Variants in BMPR2 observed in about 807,000 individuals in gnomAD.
BMPR2 encodes the protein bone morphogenetic protein receptor type 2.
In BMPR2, 29 loss-of-function variants were observed where a neutral mutation model predicts 100.8. The ratio of observed to expected loss-of-function variants is 0.29; its 90% CI spans 0.21 to 0.39. BMPR2 has a LOEUF of 0.39. BMPR2 is among the 10% of genes least tolerant of loss of function. BMPR2 has a pLI of 1.00. For synonymous variants in BMPR2, 382 were observed against 442.3 expected, an observed-to-expected ratio of 0.86 and a Z score of 1.71; for missense variants, 1,011 against 1,274.5, an observed-to-expected ratio of 0.79 and a Z score of 3.15.
intron 1 of BMPR2, among the ~76,000 whole-genome samples, chr2:202,432,007 C>T (rs191401765): frequency 1.2e-4 from 18 of 150,262 alleles, no homozygotes; most frequent in Admixed American, 1.2e-3. Flanking sequence ...AATATAGGTA[C>T]TTATATATTA....
chr2:202,419,898 G>A (rs187632385), intron 1 of BMPR2, among the ~76,000 whole-genome samples: 194 of 152,148 alleles, frequency 1.3e-3, no homozygotes, highest in African/African-American at 4.5e-3. Context: ...CCTGTAATAC[G>A]CGCACTTTGG....
chr2:202,427,373 A>G (rs1691408732), intron 1 of BMPR2, among the ~76,000 whole-genome samples: 1 of 151,770 alleles, frequency 6.6e-6, no homozygotes, highest in Admixed American at 6.6e-5. Context: ...AAAAAAAAAA[A>G]AAAAAAAGGG....
At position 202,560,439 on chromosome 2, in the gene BMPR2, G is replaced by A. The variant is rs1160490335; in HGVS notation, c.*493G>A. ...TATCTTGTTGGACATCTTTTCTCTT[G>A]TGTTTTGTTTGAATGTGCAATAGTT... On this transcript the variant is annotated 3_prime_UTR_variant, in exon 13 of 13. Coordinates refer to ENST00000374580, the MANE Select transcript of BMPR2 (RefSeq NM_001204.7). The A allele has an allele frequency of 5.9e-6, 1 of 169,008 alleles. No individual in the cohort carries two copies. Among genetic ancestry groups the A allele is most frequent in the Non-Finnish European group, 1.3e-5 (1 of 77,232 alleles). 10.5% of individuals were successfully genotyped at this position (169,008 alleles called of 1,614,324 possible). A position where few individuals can be genotyped will look rare whatever the true frequency, so the allele number is the denominator to read the frequency against.
chr2:202,555,618 A>G lies in BMPR2; in HGVS notation c.1953A>G (p.Pro651=). 1.9e-6 allele frequency: 3 copies of G among 1,614,170 alleles called. No homozygotes were observed. The highest frequency in any genetic ancestry group is 2.5e-6 in the Non-Finnish European group (3 of 1,180,040). Reference sequence around the variant, plus strand: ...CAAATGTTGCACAGTCAATTGGGCCAACCCCTGTCTGCTTACAGCTGACAG... The same window carrying G: ...CAAATGTTGCACAGTCAATTGGGCCGACCCCTGTCTGCTTACAGCTGACAG... ...HTTNVAQSIG[P]TPVCLQLTEE... is the part of the protein sequence containing the mutation. Residue 651 remains proline (P), a synonymous_variant, in exon 12 of 13, where the codon CCA becomes CCG. Transcript: ENST00000374580.
At chr2:202,538,735 A>G (rs563510486) in intron 9 of BMPR2, among the ~76,000 whole-genome samples, 1 of 150,008 alleles carries the variant, frequency 6.7e-6, no homozygotes, top group Non-Finnish European at 1.5e-5. Flanking sequence ...CAGAGGTTGC[A>G]GTGAGCAGAG....
intron 1 of BMPR2, among the ~76,000 whole-genome samples, chr2:202,415,722 C>T (rs541277078): frequency 6.6e-6 from 1 of 152,308 alleles, no homozygotes; most frequent in African/African-American, 2.4e-5. Flanking sequence ...GCATGACTTA[C>T]TGAATATTTT....
intron 1 of BMPR2, among the ~76,000 whole-genome samples, chr2:202,380,934 G>GCCCTGGCCCTGT (rs1690272597): frequency 6.8e-6 from 1 of 147,890 alleles, no homozygotes; most frequent in Non-Finnish European, 1.5e-5. Context: ...CCTGGCCCTG[G>GCCCTGGCCCTGT]CCCTGGCCCT....
Position 202,467,646 on chromosome 2 carries a change from C to G in BMPR2, c.375C>G (p.Val125=). 6.2e-7 allele frequency: 1 copy of G among 1,612,652 alleles called. No homozygotes were observed. Among genetic ancestry groups the G allele is most frequent in the Non-Finnish European group, 8.5e-7 (1 of 1,178,660 alleles). ...FCCCSTDLCN[V]NFTENFPPPD... ...GTTGTAGCACAGATTTATGTAATGT[C>G]AACTTTACTGAGAATTTTCCACCTC... The change falls in exon 3 of 13, where the codon GTC becomes GTG. Residue 125 remains valine (V), a synonymous_variant. Transcript: ENST00000374580.
intron 1 of BMPR2, among the ~76,000 whole-genome samples, chr2:202,385,849 G>A (rs1690417003): frequency 6.6e-6 from 1 of 152,034 alleles, no homozygotes; most frequent in African/African-American, 2.4e-5. Flanking sequence ...ATTGGGAGAT[G>A]TTTAGGTTGT....
chr2:202,404,615 C>T (rs994079098), intron 1 of BMPR2, among the ~76,000 whole-genome samples: 2 of 152,062 alleles, frequency 1.3e-5, no homozygotes, highest in Admixed American at 6.6e-5. Context: ...CAGCAATAAA[C>T]GAGATAAATA....
At chr2:202,382,058 GTT>G (rs1216592236) in intron 1 of BMPR2, among the ~76,000 whole-genome samples, 5 of 113,636 alleles carry the variant, frequency 4.4e-5, no homozygotes, top group Admixed American at 9.5e-5. Flanking sequence ...TTTTGTTTTT[GTT>G]TTTTTTTTTT....
chr2:202,434,898 AAAAAAAAAAAATATAT>A (rs1010426784), intron 1 of BMPR2, among the ~76,000 whole-genome samples: 1 of 66,012 alleles, frequency 1.5e-5, no homozygotes, highest in Non-Finnish European at 2.8e-5. Context: ...AAAAAAAAAA[AAAAAAAAAAAATATAT>A]ATATATATAT....
chr2:202,473,157 T>G (rs1692470295), intron 3 of BMPR2, among the ~76,000 whole-genome samples: 1 of 152,124 alleles, frequency 6.6e-6, no homozygotes, highest in Non-Finnish European at 1.5e-5. Context: ...CCTTTAAAAT[T>G]TTTCATTATG....
At position 202,542,467 on chromosome 2, in the gene BMPR2, T is replaced by C. The variant is rs1478662854; in HGVS notation, c.1413+20T>C. 5.0e-6 allele frequency: 8 copies of C among 1,612,866 alleles called. No individual in the cohort carries two copies. The highest frequency in any genetic ancestry group is 1.1e-5 in the South Asian group (1 of 90,934). ...AGCCTGGTAAGAAAAAACTAAGTTA[T>C]TAAAGAGAGGACTTATGACTGAATA... On this transcript the variant is annotated intron_variant, in intron 10 of 12. Coordinates refer to ENST00000374580, the MANE Select transcript of BMPR2 (RefSeq NM_001204.7).
At chr2:202,545,209 C>CTCCT (rs1688353835) in intron 10 of BMPR2, among the ~76,000 whole-genome samples, 2 of 125,678 alleles carry the variant, frequency 1.6e-5, no homozygotes, top group African/African-American at 3.0e-5. Flanking sequence ...TCCTCCCGTC[C>CTCCT]CCCTCCCCTC....
At position 202,551,051 on chromosome 2, in the gene BMPR2, G is replaced by T. The variant is rs182155548; in HGVS notation, c.1414-1665G>T. ...GGCTCACTCCAACATCCGCCTCCTG[G>T]GTTCAAGCAATTTTCCTGCCTCAGC... On this transcript the variant is annotated intron_variant, in intron 10 of 12. Coordinates refer to ENST00000374580, the MANE Select transcript of BMPR2 (RefSeq NM_001204.7). Among the ~76,000 whole-genome samples, 119 of 148,198 alleles carry T rather than the reference G, an allele frequency of 8.0e-4. 1 individual carries two copies. In the Middle Eastern group the frequency reaches 0.029, roughly 36 times the overall value.
At chr2:202,490,973 C>T (rs952330491) in intron 3 of BMPR2, among the ~76,000 whole-genome samples, 3 of 152,056 alleles carry the variant, frequency 2.0e-5, no homozygotes, top group African/African-American at 7.2e-5. Flanking sequence ...TCTTCTTGCC[C>T]AGGCTGGAGT....
intron 1 of BMPR2, among the ~76,000 whole-genome samples, chr2:202,397,298 C>T (rs932274726): frequency 6.6e-6 from 1 of 152,042 alleles, no homozygotes; most frequent in Non-Finnish European, 1.5e-5. Context: ...GTAAAACTAA[C>T]CCCAATTTCA....
At chr2:202,464,565 T>G (rs186571568) in intron 1 of BMPR2, among the ~76,000 whole-genome samples, 125 of 152,302 alleles carry the variant, frequency 8.2e-4, no homozygotes, top group Non-Finnish European at 5.0e-4. Context: ...GTGAGAATAA[T>G]TTGAGTACGA....
Sources: allele counts gnomAD v4.1 joint callset (sites outside exome capture counted in the v4.1 genomes callset), GRCh38; gene constraint gnomAD v4.1.1; transcripts MANE v1.5; gene names NCBI Gene and HGNC (gene_info 2026-07-23, HGNC 2026-07-21).